Variants in CRLF2 observed in about 807,000 individuals in gnomAD.
CRLF2 encodes the protein cytokine receptor like factor 2.
In CRLF2, 41 loss-of-function variants were observed where a neutral mutation model predicts 38.7. The observed-to-expected ratio is 1.06, with a 90% CI of 0.83 to 1.37. The LOEUF is 1.37. Ranked by LOEUF, CRLF2 falls within the 40% of genes most tolerant of loss-of-function variation. The pLI, the probability that CRLF2 is intolerant of heterozygous loss-of-function variation, is 0.00. For synonymous variants in CRLF2, 140 were observed against 128.8 expected (o/e 1.09, Z -0.59); for missense variants, 377 against 322.2 (o/e 1.17, Z -1.30).
At chrX:1,210,461 C>T (rs2086777692) in intron 1 of CRLF2, among the ~76,000 whole-genome samples, 1 of 152,072 alleles carries the variant, frequency 6.6e-6, no homozygotes, top group African/African-American at 2.4e-5. Context: ...CTACAGGCAC[C>T]TGCCACCATG....
At position 1,194,055 on chromosome X, in the gene CRLF2, G is replaced by A. The variant is rs1248442869; in HGVS notation, c.768-753C>T. Among the ~76,000 whole-genome samples the A allele has an allele frequency of 6.6e-5, 10 of 152,074 alleles. No homozygotes were observed. In the East Asian group the frequency reaches 1.6e-3, roughly 24 times the overall value. The stretch of plus-strand genomic sequence containing the variant: ...CAGGAGAATCGCTTGAACCTGGGGG[G>A]CAGAGGTTGCAGTGATCTGAGATTG... On this transcript the variant is annotated intron_variant, in intron 6 of 7. Coordinates refer to ENST00000400841, the MANE Select transcript of CRLF2 (RefSeq NM_022148.4).
chrX:1,193,652 G>T (rs2086431438), intron 6 of CRLF2, among the ~76,000 whole-genome samples: 1 of 151,772 alleles, frequency 6.6e-6, no homozygotes, highest in African/African-American at 2.4e-5. Context: ...CGTGGTGGTG[G>T]GCACCTGTAG....
rs1289648632 is a variant in CRLF2 at position 1,212,635 on chromosome X, G to C, written c.-1C>G. On this transcript the variant is annotated 5_prime_UTR_variant, in exon 1 of 8. Coordinates refer to ENST00000400841, the MANE Select transcript of CRLF2 (RefSeq NM_022148.4). ...CCCACAGCAGAACCAGCCGCCCCATGCCTGAAACAGGAGTGGAGAGTGAGG... is the reference window on the plus strand; with the variant it reads ...CCCACAGCAGAACCAGCCGCCCCATCCCTGAAACAGGAGTGGAGAGTGAGG... The C allele has an allele frequency of 6.2e-7, 1 of 1,607,800 alleles. No individual in the cohort carries two copies. The highest frequency in any genetic ancestry group is 1.3e-5 in the African/African-American group (1 of 74,766).
chrX:1,200,461 G>A (rs184491199), intron 4 of CRLF2, among the ~76,000 whole-genome samples: 94 of 151,214 alleles, frequency 6.2e-4, no homozygotes, highest in African/African-American at 2.1e-3. Context: ...GTGTGTATAC[G>A]TGTGTATAAA....
chrX:1,197,501 C>A (rs1167161512), intron 5 of CRLF2, among the ~76,000 whole-genome samples: 1 of 151,956 alleles, frequency 6.6e-6, no homozygotes, highest in Non-Finnish European at 1.5e-5. Flanking sequence ...GGCTGTGCTC[C>A]TTAAATCATG....
intron 7 of CRLF2, 149 bp from the exon 8 acceptor site, chrX:1,191,309 C>CTTTCTTTCTTTCT (rs2086370893): frequency 2.8e-6 from 1 of 356,038 alleles, no homozygotes; most frequent in African/African-American, 2.7e-5. Flanking sequence ...TTCTTTCTTT[C>CTTTCTTTCTTTCT]TTTCTTTCTT....
intron 6 of CRLF2, 80 bp downstream of exon 6, chrX:1,196,700 G>A (rs2098128961): frequency 6.5e-7 from 1 of 1,546,120 alleles, no homozygotes; most frequent in Non-Finnish European, 8.8e-7. Flanking sequence ...GACTCTATCA[G>A]GCGATTAATC....
intron 2 of CRLF2, among the ~76,000 whole-genome samples, chrX:1,208,128 G>T (rs1240948973): frequency 6.6e-6 from 1 of 152,240 alleles, no homozygotes; most frequent in African/African-American, 2.4e-5. Flanking sequence ...CACAGGGTTG[G>T]GGGTAGCCCC....
intron 1 of CRLF2, among the ~76,000 whole-genome samples, chrX:1,210,052 C>T (rs758803827): frequency 2.7e-5 from 4 of 146,580 alleles, no homozygotes; most frequent in Admixed American, 2.1e-4. Context: ...TGTAGTGAAC[C>T]GAGATCGTGT....
chrX:1,192,829 T>G (rs2086417278), intron 7 of CRLF2, among the ~76,000 whole-genome samples: 1 of 149,734 alleles, frequency 6.7e-6, no homozygotes, highest in South Asian at 2.1e-4. Context: ...CTTTTTTTTT[T>G]TCTTGACAGA....
At position 1,196,867 on chromosome X, in the gene CRLF2, G is replaced by A; in HGVS notation, c.680C>T (p.Pro227Leu). 6.2e-7 allele frequency: 1 copy of A among 1,613,572 alleles called. No homozygotes were observed. Among genetic ancestry groups the A allele is most frequent in the Non-Finnish European group, 8.5e-7 (1 of 1,179,672 alleles). The change falls in exon 6 of 8, where the codon CCA becomes CTA. Residue 227 changes from proline to leucine, a missense_variant. Physicochemically the swap from Pro to Leu is moderately conservative, Grantham distance 98. Coordinates refer to ENST00000400841, the MANE Select transcript of CRLF2 (RefSeq NM_022148.4). ...AATTAAAATAAATTTGGACAGCTTTGGTTTGGGAGGCGTTGGTGTCTCTGC... is the reference window on the plus strand; with the variant it reads ...AATTAAAATAAATTTGGACAGCTTTAGTTTGGGAGGCGTTGGTGTCTCTGC... Reference protein sequence around the residue: ...ACAETPTPPKPKLSKFILISS... With the variant: ...ACAETPTPPKLKLSKFILISS...
At chrX:1,195,247 AT>A (rs2086455806) in intron 6 of CRLF2, among the ~76,000 whole-genome samples, 1 of 152,012 alleles carries the variant, frequency 6.6e-6, no homozygotes, top group Admixed American at 6.6e-5. Flanking sequence ...TCAACCTCAC[AT>A]TTTTGAAAAG....
At chrX:1,212,502 G>C (rs2086822976) in intron 1 of CRLF2, 54 bp downstream of exon 1, 5 of 1,253,430 alleles carry the variant, frequency 4.0e-6, no homozygotes, top group African/African-American at 2.9e-5. Context: ...GTGCCTGGTT[G>C]CAAAGCAAAC....
rs1242268506 is a variant in CRLF2 at position 1,210,872 on chromosome X, G to GGTGGATGGGTGA, written c.79+1672_79+1683dup. ...TAGGTGGAAGACAAGTGGATGGGTG[G>GGTGGATGGGTGA]GTGGATGGGTGAGTGGATGGATGAA... On this transcript the variant is annotated intron_variant, in intron 1 of 7. Transcript: ENST00000400841. 3.9e-5 allele frequency among the ~76,000 whole-genome samples: 6 copies of GGTGGATGGGTGA among 152,180 alleles called. No homozygotes were observed. In the East Asian group the frequency reaches 9.6e-4, roughly 24 times the overall value.
chrX:1,198,490 G>T (rs1362412001), intron 5 of CRLF2, 72 bp downstream of exon 5: 3 of 1,241,804 alleles, frequency 2.4e-6, no homozygotes, highest in Admixed American at 2.0e-5. Context: ...CCCACCTCCC[G>T]GGAAGGCAGT....
intron 3 of CRLF2, among the ~76,000 whole-genome samples, chrX:1,203,057 C>G (rs1400707007): frequency 7.6e-6 from 1 of 130,814 alleles, no homozygotes; most frequent in African/African-American, 2.9e-5. Flanking sequence ...GAGATTGAAC[C>G]ACTGCCCTCC....
At chrX:1,206,703 C>A (rs2086697408) in intron 2 of CRLF2, 104 bp from the exon 3 acceptor site, 30 of 1,100,102 alleles carry the variant, frequency 2.7e-5, no homozygotes, top group Non-Finnish European at 3.9e-5. Context: ...AGTGCAATGG[C>A]GCGATCTCAG....
intron 5 of CRLF2, among the ~76,000 whole-genome samples, 193 bp from the exon 6 acceptor site, chrX:1,197,093 C>CTTT (rs371615837): frequency 0.24 from 28,522 of 118,222 alleles, 4,073 homozygotes; most frequent in Admixed American, 0.34. Context: ...AAATCTTTTA[C>CTTT]TTTTTTTTTT....
chrX:1,191,292 TTTC>T (rs2086368472), intron 7 of CRLF2, 132 bp from the exon 8 acceptor site: 2 of 388,350 alleles, frequency 5.1e-6, no homozygotes, highest in South Asian at 2.8e-4. Context: ...TTTCTTTTCT[TTTC>T]TCTTTCTTTC....
Sources: gnomAD v4.1 joint callset for allele counts (sites outside exome capture counted in the v4.1 genomes callset) on GRCh38, gnomAD v4.1.1 for gene constraint, MANE v1.5 for transcripts, NCBI Gene and HGNC (gene_info 2026-07-23, HGNC 2026-07-21) for gene names.